Variants in RADIL observed in about 807,000 individuals in gnomAD.
RADIL encodes the protein Rap associating with DIL domain, also known as ras-associating and dilute domain-containing protein.
In RADIL, 99 loss-of-function variants were observed where a neutral mutation model predicts 97.6. That is an observed-to-expected ratio of 1.01 (90% CI 0.86 to 1.20). The LOEUF (loss-of-function observed/expected upper bound fraction) is 1.20. Among genes scored for constraint, RADIL ranks in the 50% most tolerant of loss-of-function variants. The pLI, the probability that RADIL is intolerant of heterozygous loss-of-function variation, is 0.00. For synonymous variants in RADIL, 803 were observed against 691.8 expected, an observed-to-expected ratio of 1.16 and a Z score of -2.52; for missense variants, 1,765 against 1,498.9, an observed-to-expected ratio of 1.18 and a Z score of -2.93.
chr7:4,820,158 A>G (rs1782789938), intron 6 of RADIL, among the ~76,000 whole-genome samples: 2 of 152,248 alleles, frequency 1.3e-5, no homozygotes, highest in African/African-American at 4.8e-5. Context: ...GGAAGGACCA[A>G]GTGCACTGCA....
At position 4,883,300 on chromosome 7, in the gene RADIL, G is replaced by A. The variant is rs944669164; in HGVS notation, c.-65+296C>T. 5.3e-5 allele frequency among the ~76,000 whole-genome samples: 8 copies of A among 151,532 alleles called. No individual in the cohort carries two copies. The highest frequency in any genetic ancestry group is 4.2e-4 in the South Asian group (2 of 4,814). On this transcript the variant is annotated intron_variant, in intron 1 of 14. Coordinates refer to ENST00000399583, the MANE Select transcript of RADIL (RefSeq NM_018059.5). The surrounding 1 kb of genome is among the most constrained non-coding windows in gnomAD (Gnocchi z 7.1). ...GTCCGGGGCCCACGCGGACAGCCAG[G>A]CTCAGGAGCTCTCGGGGGTCGGCAG... is the stretch of plus-strand genomic sequence containing the variant.
At chr7:4,830,603 C>T (rs904780458) in intron 5 of RADIL, among the ~76,000 whole-genome samples, 1 of 152,190 alleles carries the variant, frequency 6.6e-6, no homozygotes, top group African/African-American at 2.4e-5. Flanking sequence ...ATCAGCCAGG[C>T]ACAGTGGCTC....
chr7:4,811,981 C>G (rs1782561266), intron 9 of RADIL, among the ~76,000 whole-genome samples: 1 of 151,586 alleles, frequency 6.6e-6, no homozygotes, highest in South Asian at 2.1e-4. Context: ...CTCCTGGAAT[C>G]CTCCTGCCTC....
chr7:4,808,893 CCGTTCCGACGCCACTGCCCCCCCA>C, intron 9 of RADIL: 1 of 896,344 alleles, frequency 1.1e-6, no homozygotes, highest in Non-Finnish European at 1.3e-6. Flanking sequence ...CCACTGCCCC[CCGTTCCGACGCCACTGCCCCCCCA>C]CGTCTCCTTC....
chr7:4,835,152 G>C lies in RADIL; in HGVS notation c.871C>G (p.Pro291Ala). The C allele has an allele frequency of 6.2e-7, 1 of 1,611,124 alleles. No individual in the cohort carries two copies. Among genetic ancestry groups the C allele is most frequent in the Non-Finnish European group, 8.5e-7 (1 of 1,179,224 alleles). The part of the protein sequence containing the change: ...SSKPSISLSA[P>A]DILPLHCTIR... ...GTGCAGTGTAGAGGCAGGATGTCGG[G>C]GGCTGAGAGGCTGATGCTGGGCTTG... is the stretch of plus-strand genomic sequence containing the variant. Residue 291 changes from proline to alanine, a missense_variant, in exon 4 of 15, where the codon CCC becomes GCC. By Grantham distance (27) the Pro-to-Ala change is conservative. Coordinates refer to ENST00000399583, the MANE Select transcript of RADIL (RefSeq NM_018059.5). The surrounding 1 kb of genome is among the most constrained non-coding windows in gnomAD (Gnocchi z 5.8).
chr7:4,861,243 G>C (rs1022944609), intron 2 of RADIL: 6 of 1,613,952 alleles, frequency 3.7e-6, no homozygotes, highest in Admixed American at 3.3e-5. Context: ...TTTTTAAGTA[G>C]ACTGTCATCT....
rs1784296895 is a variant in RADIL at position 4,873,308 on chromosome 7, G to A, written c.535+4297C>T. Among the ~76,000 whole-genome samples, 1 of 152,118 alleles carries A rather than the reference G, an allele frequency of 6.6e-6. No homozygotes were observed. Among genetic ancestry groups the A allele is most frequent in the Non-Finnish European group, 1.5e-5 (1 of 68,030 alleles). ...TACAGTGTTGAGCAACCTGGGGCTG[G>A]ACTCGTTAACACAAACGTACATGGT... On this transcript the variant is annotated intron_variant, in intron 2 of 14. Transcript: ENST00000399583. This position sits in a 1 kb window ranked among gnomAD's most constrained non-coding sequence, Gnocchi z 4.3.
rs561441479 is a variant in RADIL, at chr7:4,816,601, G to C, written c.1729-136C>G. ...GCCTCGGTAGCTTCCTGCTGGACAG[G>C]CCATGGCTTTGCAAATGTCCAGTGT... On this transcript the variant is annotated intron_variant, in intron 7 of 14. Coordinates refer to ENST00000399583, the MANE Select transcript of RADIL (RefSeq NM_018059.5). The C allele has an allele frequency of 5.7e-4, 396 of 699,562 alleles. 7 individuals carry two copies. In the South Asian group the frequency reaches 6.9e-3, roughly 12 times the overall value. 43.3% of individuals were successfully genotyped at this position (699,562 alleles called of 1,614,324 possible).
At position 4,878,101 on chromosome 7, in the gene RADIL, G is replaced by T; in HGVS notation, c.39C>A (p.Thr13=). Reference sequence around the variant, plus strand: ...GGCTCTGCCGCTTCAGTTTGCTCTTGGTGGGCGGGGACATGATGAAGTGCG... The same window carrying T: ...GGCTCTGCCGCTTCAGTTTGCTCTTTGTGGGCGGGGACATGATGAAGTGCG... ...YGTHFIMSPP[T]KSKLKRQSQL... The change falls in exon 2 of 15, where the codon ACC becomes ACA. Residue 13 remains threonine (T), a synonymous_variant. Coordinates refer to ENST00000399583, the MANE Select transcript of RADIL (RefSeq NM_018059.5). The surrounding 1 kb of genome is among the most constrained non-coding windows in gnomAD (Gnocchi z 4.1). 2 of 1,585,416 alleles carry T rather than the reference G, an allele frequency of 1.3e-6. No individual in the cohort carries two copies. Among genetic ancestry groups the T allele is most frequent in the East Asian group, 2.3e-5 (1 of 43,726 alleles).
chr7:4,802,056 G>T, intron 11 of RADIL, 61 bp from the exon 12 acceptor site: 1 of 1,358,310 alleles, frequency 7.4e-7, no homozygotes, highest in Non-Finnish European at 9.8e-7. Flanking sequence ...CAGCACTCGG[G>T]CAACTGGGCA....
chr7:4,800,808 T>C (rs112292581), intron 12 of RADIL, among the ~76,000 whole-genome samples: 5,876 of 152,190 alleles, frequency 0.039, 377 homozygotes, highest in African/African-American at 0.13. Context: ...TGCACTTAGG[T>C]CAGAGATGAG....
chr7:4,830,080 A>G (rs1210956583), intron 5 of RADIL, among the ~76,000 whole-genome samples: 2 of 152,116 alleles, frequency 1.3e-5, no homozygotes, highest in African/African-American at 4.8e-5. Context: ...CGTCAGTGTT[A>G]TCTCACGTGT....
At position 4,880,183 on chromosome 7, in the gene RADIL, T is replaced by A. The variant is rs1231474248; in HGVS notation, c.-64-1980A>T. Among the ~76,000 whole-genome samples the A allele has an allele frequency of 1.3e-5, 2 of 152,096 alleles. No individual in the cohort carries two copies. The highest frequency in any genetic ancestry group is 2.9e-5 in the Non-Finnish European group (2 of 68,034). ...GTACAGGTCATAAGCAGATGGAGCC[T>A]TGAGGTTCCATCGAGCCAGGCCATA... On this transcript the variant is annotated intron_variant, in intron 1 of 14. Coordinates refer to ENST00000399583, the MANE Select transcript of RADIL (RefSeq NM_018059.5). This position sits in a 1 kb window ranked among gnomAD's most constrained non-coding sequence, Gnocchi z 4.5.
At chr7:4,862,259 G>T (rs1784032855) in intron 2 of RADIL, among the ~76,000 whole-genome samples, 1 of 152,220 alleles carries the variant, frequency 6.6e-6, no homozygotes, top group Admixed American at 6.5e-5. Flanking sequence ...TGACATCGCA[G>T]ATGTGCATCC....
Position 4,803,763 on chromosome 7 carries a change from G to A in RADIL, c.2291-9C>T, listed in dbSNP as rs1782196594. ...GGACTCCAGAACATCCTCTGCAGGG[G>A]AGAGAGGATGCCCGTAATGGCCACA... On this transcript the variant is annotated splice_polypyrimidine_tract_variant and intron_variant, in intron 10 of 14. Transcript: ENST00000399583. The A allele has an allele frequency of 1.9e-6, 3 of 1,551,426 alleles. No individual in the cohort carries two copies. Among genetic ancestry groups the A allele is most frequent in the Non-Finnish European group, 2.6e-6 (3 of 1,146,396 alleles).
intron 5 of RADIL, among the ~76,000 whole-genome samples, chr7:4,829,792 C>T (rs1257790247): frequency 6.6e-6 from 1 of 152,160 alleles, no homozygotes; most frequent in Non-Finnish European, 1.5e-5. Flanking sequence ...TAAGATGTGC[C>T]CTTGTTCCTC....
At chr7:4,816,181 C>T in intron 8 of RADIL, 47 bp downstream of exon 8, 1 of 1,554,620 alleles carries the variant, frequency 6.4e-7, no homozygotes, top group Non-Finnish European at 8.8e-7. Flanking sequence ...GCCGTCATGT[C>T]CAGGAATGTG....
At chr7:4,823,696 G>A (rs1315475157) in intron 5 of RADIL, among the ~76,000 whole-genome samples, 2 of 152,184 alleles carry the variant, frequency 1.3e-5, no homozygotes, top group African/African-American at 4.8e-5. Context: ...TCCAAGCTCA[G>A]AGCTCCCAAA....
At chr7:4,809,619 C>G in intron 9 of RADIL, 1 of 985,394 alleles carries the variant, frequency 1.0e-6, no homozygotes, top group Non-Finnish European at 1.2e-6. Context: ...TCGACTCCTT[C>G]AGCTCAACCT....
Sources: gnomAD v4.1 joint callset for allele counts (sites outside exome capture counted in the v4.1 genomes callset) on GRCh38, gnomAD v4.1.1 for gene constraint, Gnocchi (gnomAD v3.1) non-coding constraint, MANE v1.5 for transcripts, NCBI Gene and HGNC (gene_info 2026-07-23, HGNC 2026-07-21) for gene names.